Variants in CEP162 observed in about 807,000 individuals in gnomAD.
CEP162 encodes centrosomal protein 162.
Under a neutral mutation model 169.2 loss-of-function variants are expected in CEP162, and 141 were observed. The ratio of observed to expected loss-of-function variants is 0.83; its 90% CI spans 0.73 to 0.96. The LOEUF is 0.96. Among genes scored for constraint, CEP162 ranks in the 40% least tolerant of loss-of-function variants. The probability of loss-of-function intolerance (pLI) is 0.00; values close to 1 mark genes in which losing one functional copy is unlikely to be tolerated. For missense variants in CEP162, 1,600 were observed against 1,587.2 expected (o/e 1.01, Z -0.14); for synonymous variants, 540 against 526.4 (o/e 1.03, Z -0.35).
intron 25 of CEP162, among the ~76,000 whole-genome samples, chr6:84,133,459 G>A (rs922375294): frequency 6.6e-6 from 1 of 152,216 alleles, no homozygotes. Flanking sequence ...GCCCCCAGAG[G>A]TGGAGTCTAT....
intron 11 of CEP162, among the ~76,000 whole-genome samples, chr6:84,192,615 G>T (rs2127722304): frequency 6.6e-6 from 1 of 152,306 alleles, no homozygotes; most frequent in East Asian, 1.9e-4. Context: ...ACATCATGAG[G>T]ATACAGTATA....
intron 24 of CEP162, among the ~76,000 whole-genome samples, chr6:84,149,058 T>C (rs1405278999): frequency 6.6e-6 from 1 of 152,148 alleles, no homozygotes; most frequent in Non-Finnish European, 1.5e-5. Context: ...AAGACTATGC[T>C]CCATCAGAGC....
At chr6:84,225,225 T>C (rs1244889435) in intron 2 of CEP162, among the ~76,000 whole-genome samples, 1 of 152,162 alleles carries the variant, frequency 6.6e-6, no homozygotes, top group African/African-American at 2.4e-5. Flanking sequence ...AGGAGCATCA[T>C]AGAGTATATT....
Position 84,194,867 on chromosome 6 carries a change from C to T in CEP162, c.1027+17G>A, listed in dbSNP as rs747598634. ...AAGGATATCAAATAATTGAAAAATT[C>T]ATCTGTAAGTTTTTACCAGATTCCA... On this transcript the variant is annotated intron_variant, in intron 10 of 26. Coordinates refer to ENST00000403245, the MANE Select transcript of CEP162 (RefSeq NM_014895.4). The T allele has an allele frequency of 1.4e-5, 22 of 1,529,014 alleles. No individual in the cohort carries two copies. The African/African-American group carries it at 2.8e-4, about 19-fold the overall frequency. 94.7% of individuals were successfully genotyped at this position (1,529,014 alleles called of 1,614,324 possible).
intron 25 of CEP162, among the ~76,000 whole-genome samples, chr6:84,130,121 T>C (rs559139542): frequency 1.3e-5 from 2 of 152,324 alleles, no homozygotes; most frequent in East Asian, 1.9e-4. Flanking sequence ...GAGATAATCA[T>C]ATGGTTTTTG....
intron 23 of CEP162, among the ~76,000 whole-genome samples, chr6:84,151,460 G>C (rs927774010): frequency 6.6e-6 from 1 of 151,898 alleles, no homozygotes; most frequent in Non-Finnish European, 1.5e-5. Context: ...CTAATTTACA[G>C]GTAAAAAAAG....
At chr6:84,126,987 T>G (rs1160061178) in intron 25 of CEP162, among the ~76,000 whole-genome samples, 1 of 152,162 alleles carries the variant, frequency 6.6e-6, no homozygotes, top group African/African-American at 2.4e-5. Flanking sequence ...ACTTTATAAT[T>G]TGTAGTAGTT....
intron 25 of CEP162, among the ~76,000 whole-genome samples, chr6:84,128,650 A>G (rs1231419097): frequency 6.6e-6 from 1 of 152,148 alleles, no homozygotes; most frequent in Non-Finnish European, 1.5e-5. Context: ...ATCAAATAAA[A>G]TAAGGTATAT....
At chr6:84,150,722 G>A (rs2099520769) in intron 23 of CEP162, among the ~76,000 whole-genome samples, 1 of 152,142 alleles carries the variant, frequency 6.6e-6, no homozygotes, top group African/African-American at 2.4e-5. Context: ...TGGAAAAAAT[G>A]TGATTCTTCT....
chr6:84,216,887 T>C (rs776676982), intron 3 of CEP162, among the ~76,000 whole-genome samples: 1 of 152,186 alleles, frequency 6.6e-6, no homozygotes. Flanking sequence ...GTGGTACTTA[T>C]GTATATGTTT....
intron 13 of CEP162, among the ~76,000 whole-genome samples, chr6:84,181,710 A>G (rs1454648063): frequency 6.6e-6 from 1 of 152,166 alleles, no homozygotes; most frequent in African/African-American, 2.4e-5. Flanking sequence ...AGACAAGTGA[A>G]GAGCATTCAG....
chr6:84,136,494 A>ATAAG (rs1554161868), intron 25 of CEP162, among the ~76,000 whole-genome samples: 1 of 152,198 alleles, frequency 6.6e-6, no homozygotes, highest in Non-Finnish European at 1.5e-5. Flanking sequence ...AAATTTAAAC[A>ATAAG]TAAGTTTTGG....
chr6:84,153,050 C>T lies in CEP162; in HGVS notation c.3124G>A (p.Val1042Ile). 1 of 1,613,494 alleles carries T rather than the reference C, an allele frequency of 6.2e-7. No homozygotes were observed. Among genetic ancestry groups the T allele is most frequent in the Non-Finnish European group, 8.5e-7 (1 of 1,179,722 alleles). The change falls in exon 23 of 27, where the codon GTA (valine) becomes ATA (isoleucine). Residue 1042 changes from valine (V) to isoleucine (I), a missense_variant. Transcript: ENST00000403245. ...DDIKEAHQIT[V>I]RNLEAEIDVL... ...TCTATTTCGGCTTCAAGGTTTCTTACAGTGATCTGATGGGCTTCCTTGATG... is the reference window on the plus strand; with the variant it reads ...TCTATTTCGGCTTCAAGGTTTCTTATAGTGATCTGATGGGCTTCCTTGATG...
intron 6 of CEP162, among the ~76,000 whole-genome samples, chr6:84,210,754 T>C (rs539381749): frequency 1.8e-4 from 28 of 152,164 alleles, no homozygotes; most frequent in Admixed American, 1.4e-3. Flanking sequence ...ATTCTCACAG[T>C]TCATACAAGA....
intron 25 of CEP162, among the ~76,000 whole-genome samples, chr6:84,132,828 T>C (rs2099512180): frequency 6.6e-6 from 1 of 152,120 alleles, no homozygotes; most frequent in Admixed American, 6.5e-5. Flanking sequence ...ATTACTGATC[T>C]TCTGAGGCCT....
intron 25 of CEP162, among the ~76,000 whole-genome samples, chr6:84,139,991 G>T (rs1314936345): frequency 3.3e-5 from 5 of 152,164 alleles, no homozygotes; most frequent in African/African-American, 1.2e-4. Flanking sequence ...TTTGCTGTGG[G>T]TCCCCAGTAA....
chr6:84,217,564 G>C (rs1226278595), intron 3 of CEP162, among the ~76,000 whole-genome samples: 2 of 152,224 alleles, frequency 1.3e-5, no homozygotes, highest in African/African-American at 4.8e-5. Context: ...GGTAGTCTAA[G>C]TTGGGAGGCC....
At chr6:84,164,911 T>C (rs2099527222) in intron 18 of CEP162, among the ~76,000 whole-genome samples, 1 of 152,128 alleles carries the variant, frequency 6.6e-6, no homozygotes, top group Admixed American at 6.6e-5. Flanking sequence ...GCTGGCTCCT[T>C]GCAGGGTTAA....
chr6:84,191,168 A>G (rs936521655), intron 11 of CEP162, among the ~76,000 whole-genome samples: 2 of 152,194 alleles, frequency 1.3e-5, no homozygotes, highest in East Asian at 3.8e-4. Flanking sequence ...AAGAAAAAAA[A>G]AAAAGAAACC....
Sources: allele counts gnomAD v4.1 joint callset (sites outside exome capture counted in the v4.1 genomes callset), GRCh38; gene constraint gnomAD v4.1.1; transcripts MANE v1.5; gene names NCBI Gene and HGNC (gene_info 2026-07-23, HGNC 2026-07-21).